LINGO1: variants seen among roughly 807,000 people sequenced by gnomAD.
LINGO1 encodes the protein leucine rich repeat and Ig domain containing 1.
A neutral mutation model predicts 37.3 loss-of-function variants in LINGO1; 11 were observed. That is an observed-to-expected ratio of 0.29 (90% CI 0.19 to 0.49). The LOEUF (loss-of-function observed/expected upper bound fraction) is 0.49. LINGO1 is among the 20% of genes least tolerant of loss of function. LINGO1 has a pLI of 0.99. For synonymous variants in LINGO1, 387 were observed against 403.0 expected (o/e 0.96, Z 0.48); for missense variants, 585 against 878.2 (o/e 0.67, Z 4.22).
chr15:77,779,280 T>C (rs2076691955), intron 1 of LINGO1, among the ~76,000 whole-genome samples: 2 of 152,022 alleles, frequency 1.3e-5, no homozygotes, highest in South Asian at 4.2e-4. Flanking sequence ...ACTACAGCAG[T>C]CCCCAACCTT....
intron 1 of LINGO1, among the ~76,000 whole-genome samples, chr15:77,738,754 A>AGGAG (rs879880002): frequency 0.16 from 18,239 of 116,296 alleles, 1,624 homozygotes; most frequent in Admixed American, 0.23. Flanking sequence ...TGCTGAAGGA[A>AGGAG]GGAAGGAAGG....
At chr15:77,819,065 C>T (rs1296457707) in intron 1 of LINGO1, among the ~76,000 whole-genome samples, 44 of 151,510 alleles carry the variant, frequency 2.9e-4, no homozygotes, top group South Asian at 1.2e-3. Context: ...GCGGCCTGGG[C>T]TGCCGAGCAC....
In LINGO1 at chr15:77,684,805, CAG is replaced by C. The variant is rs998082934; in HGVS notation, c.-99+5913_-99+5914del. 1.6e-4 allele frequency among the ~76,000 whole-genome samples: 24 copies of C among 152,140 alleles called. 1 individual carries two copies. The highest frequency in any genetic ancestry group is 1.2e-3 in the Admixed American group (19 of 15,284). On this transcript the variant is annotated intron_variant, in intron 2 of 3. Coordinates refer to the LINGO1 transcript ENST00000559893. ...CCATGCACCTACTGTGTGCCAGGCC[CAG>C]GGGGCAACTGGCCCAGGAAGCTAGG...
Position 77,615,144 on chromosome 15 carries a change from T to C in LINGO1, c.763A>G (p.Met255Val), listed in dbSNP as rs370971472. The C allele has an allele frequency of 6.2e-7, 1 of 1,613,936 alleles. No homozygotes were observed. The highest frequency in any genetic ancestry group is 1.1e-5 in the South Asian group (1 of 91,084). ...AGGCCGTAGAGGCAGTTGGGTGTCA[T>C]GGTGTCCAAGTAGGGCCAGTGGGAG... ...EISHWPYLDT[M>V]TPNCLYGLNL... Residue 255 changes from methionine to valine, a missense_variant, in exon 2 of 2, where the codon ATG becomes GTG. Physicochemically the swap from Met to Val is conservative, Grantham distance 21. Around this residue, in one of 4 missense-constraint regions of LINGO1, gnomAD observed 484 missense variants for 735.0 expected, o/e 0.66. Coordinates refer to ENST00000355300, the MANE Select transcript of LINGO1 (RefSeq NM_032808.7).
intron 1 of LINGO1, among the ~76,000 whole-genome samples, chr15:77,805,456 G>A (rs927119232): frequency 2.6e-5 from 4 of 152,188 alleles, no homozygotes. Flanking sequence ...ATGCTTTGTG[G>A]GAGGCCTGCC....
In LINGO1 at chr15:77,763,408, C is replaced by T. The variant is rs549584158; in HGVS notation, c.-257+23461G>A. Among the ~76,000 whole-genome samples the T allele has an allele frequency of 2.0e-5, 3 of 152,234 alleles. No homozygotes were observed. In the East Asian group the frequency reaches 5.8e-4, roughly 29 times the overall value. Reference sequence around the variant, plus strand: ...CCCAGTACCTCCCCCAGCCCTCACCCATCCCCTCTCCCCAGTCACTGGACC... The same window carrying T: ...CCCAGTACCTCCCCCAGCCCTCACCTATCCCCTCTCCCCAGTCACTGGACC... On this transcript the variant is annotated intron_variant, in intron 1 of 3. Transcript: ENST00000561686.
chr15:77,691,439 C>T (rs1264026619), intron 1 of LINGO1, among the ~76,000 whole-genome samples: 1 of 152,112 alleles, frequency 6.6e-6, no homozygotes, highest in Non-Finnish European at 1.5e-5. Context: ...TCATGTTCAT[C>T]GCCAGCAGTG....
chr15:77,776,533 G>T lies in LINGO1; in HGVS notation c.-257+10336C>A, dbSNP rs1353633126. Among the ~76,000 whole-genome samples the T allele has an allele frequency of 2.2e-4, 31 of 138,920 alleles. 1 individual carries two copies. The highest frequency in any genetic ancestry group is 2.8e-4 in the Non-Finnish European group (18 of 63,228). 91.1% of individuals were successfully genotyped at this position (138,920 alleles called of 152,430 possible). A position where few individuals can be genotyped will look rare whatever the true frequency, so the allele number is the denominator to read the frequency against. ...GGAAGGCAGGAAGGGAGGAAGGGAGGGAGGGAGGGAGGGAGGGAGGGAGGG... is the reference window on the plus strand; with the variant it reads ...GGAAGGCAGGAAGGGAGGAAGGGAGTGAGGGAGGGAGGGAGGGAGGGAGGG... On this transcript the variant is annotated intron_variant, in intron 1 of 3. Transcript: ENST00000561686.
chr15:77,660,638 C>A (rs1202847598), intron 3 of LINGO1, among the ~76,000 whole-genome samples: 1 of 152,202 alleles, frequency 6.6e-6, no homozygotes, highest in Admixed American at 6.5e-5. Flanking sequence ...AAACTCCCAC[C>A]AATTAGAAAT....
At chr15:77,804,149 C>T (rs1157147063) in intron 1 of LINGO1, among the ~76,000 whole-genome samples, 1 of 152,116 alleles carries the variant, frequency 6.6e-6, no homozygotes, top group Non-Finnish European at 1.5e-5. Flanking sequence ...CTGCACAAAA[C>T]TGGCTATGAT....
chr15:77,661,401 C>T (rs1242000470), intron 3 of LINGO1, among the ~76,000 whole-genome samples: 1 of 152,238 alleles, frequency 6.6e-6, no homozygotes, highest in East Asian at 1.9e-4. Context: ...CTACTCCCAG[C>T]TCTGCCTCAG....
intron 3 of LINGO1, among the ~76,000 whole-genome samples, chr15:77,659,799 T>A (rs538698071): frequency 6.7e-6 from 1 of 148,392 alleles, no homozygotes; most frequent in African/African-American, 2.5e-5. Context: ...GATCAATTAC[T>A]GTATTACCAG....
At chr15:77,744,009 C>T (rs1199273377) in intron 1 of LINGO1, among the ~76,000 whole-genome samples, 1 of 152,168 alleles carries the variant, frequency 6.6e-6, no homozygotes, top group Non-Finnish European at 1.5e-5. Context: ...CCAGTGGATA[C>T]AGAAGTGAGT....
chr15:77,800,329 A>G (rs2076907474), intron 1 of LINGO1, among the ~76,000 whole-genome samples: 1 of 152,170 alleles, frequency 6.6e-6, no homozygotes, highest in African/African-American at 2.4e-5. Context: ...CTGATGGGAA[A>G]CCAGCTGGGG....
At chr15:77,708,600 G>A (rs922063959) in intron 2 of LINGO1, among the ~76,000 whole-genome samples, 1 of 152,208 alleles carries the variant, frequency 6.6e-6, no homozygotes. Context: ...AACGACTGAT[G>A]TTCTTATACA....
Position 77,615,064 on chromosome 15 carries a change from C to A in LINGO1, c.843G>T (p.Leu281=). The A allele has an allele frequency of 6.2e-7, 1 of 1,613,934 alleles. No homozygotes were observed. ...THCNLTAVPY[L]AVRHLVYLRF... ...GGAGATAGACTAGGTGGCGGACGGC[C>A]AGGTAGGGCACAGCGGTCAGATTGC... Residue 281 remains leucine, a synonymous_variant, in exon 2 of 2, where the codon CTG becomes CTT. Transcript: ENST00000355300.
chr15:77,797,372 G>A (rs148759415), intron 1 of LINGO1, among the ~76,000 whole-genome samples: 180 of 152,262 alleles, frequency 1.2e-3, no homozygotes, highest in Non-Finnish European at 1.9e-3. Context: ...GCAGACAAAT[G>A]TTTTCATTTT....
chr15:77,807,178 C>T (rs1267628919), intron 1 of LINGO1, among the ~76,000 whole-genome samples: 1 of 152,226 alleles, frequency 6.6e-6, no homozygotes, highest in Non-Finnish European at 1.5e-5. Context: ...TGCAGCCTTC[C>T]CCGAGTACCC....
chr15:77,793,043 C>T (rs555036896), intron 2 of LINGO1, among the ~76,000 whole-genome samples: 1 of 152,294 alleles, frequency 6.6e-6, no homozygotes, highest in East Asian at 1.9e-4. Flanking sequence ...CCAGCCTCCT[C>T]CCTGGCCCTC....
Sources: allele counts gnomAD v4.1 joint callset (sites outside exome capture counted in the v4.1 genomes callset), GRCh38; gene constraint gnomAD v4.1.1; regional missense constraint gnomAD v4.1.1; transcripts MANE v1.5; gene names NCBI Gene and HGNC (gene_info 2026-07-23, HGNC 2026-07-21).